Variants in NEGR1 observed in about 807,000 individuals in gnomAD.
NEGR1 encodes neuronal growth regulator 1.
In NEGR1, 10 loss-of-function variants were observed where a neutral mutation model predicts 40.9. The observed-to-expected ratio is 0.24, with a 90% CI of 0.15 to 0.42. The LOEUF (loss-of-function observed/expected upper bound fraction) is 0.42. Ranked by LOEUF, NEGR1 falls within the 10% of genes least tolerant of loss-of-function variation. The probability of loss-of-function intolerance (pLI) is 1.00; values close to 1 mark genes in which losing one functional copy is unlikely to be tolerated. For synonymous variants in NEGR1, 185 were observed against 166.8 expected, an observed-to-expected ratio of 1.11 and a Z score of -0.84; for missense variants, 352 against 438.9, an observed-to-expected ratio of 0.80 and a Z score of 1.77.
intron 2 of NEGR1, among the ~76,000 whole-genome samples, chr1:71,926,275 C>T (rs577212252): frequency 1.3e-5 from 2 of 151,666 alleles, no homozygotes; most frequent in Admixed American, 1.3e-4. Context: ...TATTCTTCTT[C>T]TTTCTTATAT....
At chr1:71,521,362 C>G (rs1319248867) in intron 6 of NEGR1, among the ~76,000 whole-genome samples, 3 of 151,976 alleles carry the variant, frequency 2.0e-5, no homozygotes, top group African/African-American at 7.2e-5. Context: ...GGCCCAATCC[C>G]TCCACTATAG....
intron 2 of NEGR1, among the ~76,000 whole-genome samples, chr1:71,803,124 T>C (rs1657620771): frequency 6.6e-6 from 1 of 152,062 alleles, no homozygotes; most frequent in Non-Finnish European, 1.5e-5. Flanking sequence ...ACAGGGCCTT[T>C]AAGGAGGTAA....
At chr1:71,547,099 A>AT (rs1267406124) in intron 6 of NEGR1, among the ~76,000 whole-genome samples, 5 of 151,746 alleles carry the variant, frequency 3.3e-5, no homozygotes, top group African/African-American at 1.2e-4. Flanking sequence ...CTGGGGGACA[A>AT]TTGTGTCCAC....
At chr1:71,884,317 C>T (rs556557470) in intron 2 of NEGR1, among the ~76,000 whole-genome samples, 1 of 152,114 alleles carries the variant, frequency 6.6e-6, no homozygotes, top group Non-Finnish European at 1.5e-5. Context: ...GTTCTGCAAG[C>T]CATATATCAT....
chr1:71,809,893 C>A (rs1657927115), intron 2 of NEGR1, among the ~76,000 whole-genome samples: 1 of 152,080 alleles, frequency 6.6e-6, no homozygotes, highest in Non-Finnish European at 1.5e-5. Context: ...AGACAAATTG[C>A]TTTAAGCAAG....
intron 6 of NEGR1, among the ~76,000 whole-genome samples, chr1:71,512,576 A>G (rs1647082522): frequency 6.6e-6 from 1 of 151,282 alleles, no homozygotes; most frequent in African/African-American, 2.4e-5. Context: ...AAGCATAAAT[A>G]CTAATCGATT....
intron 1 of NEGR1, among the ~76,000 whole-genome samples, chr1:72,166,902 A>G (rs1353379860): frequency 2.6e-5 from 4 of 152,088 alleles, no homozygotes; most frequent in African/African-American, 9.7e-5. Context: ...CCACTTAAAA[A>G]CAAAAACAAA....
chr1:71,497,262 C>T (rs888222769), intron 6 of NEGR1, among the ~76,000 whole-genome samples: 8 of 152,090 alleles, frequency 5.3e-5, no homozygotes, highest in African/African-American at 1.7e-4. Flanking sequence ...GAAATGCAGT[C>T]ATTCAGTAAG....
chr1:71,585,045 G>C (rs546585280), intron 6 of NEGR1, among the ~76,000 whole-genome samples: 7 of 152,218 alleles, frequency 4.6e-5, no homozygotes, highest in Non-Finnish European at 8.8e-5. Context: ...ATGACAAAAT[G>C]ATTAGGCCAG....
rs200968111 is a variant in NEGR1 at position 71,818,474 on chromosome 1, TA to T, written c.410-42178del. Among the ~76,000 whole-genome samples the T allele has an allele frequency of 9.1e-3, 1,383 of 152,044 alleles. 26 individuals are homozygous for T. Among genetic ancestry groups the T allele is most frequent in the African/African-American group, 0.031 (1,303 of 41,502 alleles). Reference sequence around the variant, plus strand: ...CATGTTCTCACTTATAAATGGGAGCTAAATGATAAGAACACATAGACAGAAA... The same window carrying T: ...CATGTTCTCACTTATAAATGGGAGCTAATGATAAGAACACATAGACAGAAA... On this transcript the variant is annotated intron_variant, in intron 2 of 6. Coordinates refer to ENST00000357731, the MANE Select transcript of NEGR1 (RefSeq NM_173808.3).
chr1:71,965,365 CAGCTGAATGTATT>C (rs1337497396), intron 1 of NEGR1, among the ~76,000 whole-genome samples: 1 of 152,164 alleles, frequency 6.6e-6, no homozygotes, highest in African/African-American at 2.4e-5. Context: ...CTGTTACTTG[CAGCTGAATGTATT>C]ATAAACACTA....
At chr1:72,177,315 A>C (rs1277890697) in intron 1 of NEGR1, among the ~76,000 whole-genome samples, 2 of 152,048 alleles carry the variant, frequency 1.3e-5, no homozygotes, top group Non-Finnish European at 2.9e-5. Flanking sequence ...AGTGGGAAGA[A>C]TCATGCAAAA....
At chr1:72,254,706 A>C (rs1208427394) in intron 1 of NEGR1, among the ~76,000 whole-genome samples, 2 of 151,844 alleles carry the variant, frequency 1.3e-5, no homozygotes, top group Non-Finnish European at 2.9e-5. Flanking sequence ...TGTCTAAAAA[A>C]AAAAAAAAAA....
chr1:71,874,406 T>TA (rs1415571487), intron 2 of NEGR1, among the ~76,000 whole-genome samples: 1 of 152,176 alleles, frequency 6.6e-6, no homozygotes. Context: ...TGGTACATAT[T>TA]ATCTTCAGAC....
chr1:71,509,262 A>T (rs560076664), intron 6 of NEGR1, among the ~76,000 whole-genome samples: 1 of 152,348 alleles, frequency 6.6e-6, no homozygotes, highest in East Asian at 1.9e-4. Flanking sequence ...TACCAGGACA[A>T]GGATGCATGG....
chr1:72,054,739 C>G (rs1265072660), intron 1 of NEGR1, among the ~76,000 whole-genome samples: 1 of 151,064 alleles, frequency 6.6e-6, no homozygotes, highest in Non-Finnish European at 1.5e-5. Flanking sequence ...AATTAAAATA[C>G]CACATTTTTT....
chr1:71,912,595 A>T (rs1246772004), intron 2 of NEGR1, among the ~76,000 whole-genome samples: 1 of 152,132 alleles, frequency 6.6e-6, no homozygotes, highest in African/African-American at 2.4e-5. Context: ...TGCATTTATG[A>T]TTTGTATGTC....
intron 3 of NEGR1, among the ~76,000 whole-genome samples, chr1:71,718,477 T>A (rs1654349574): frequency 6.6e-6 from 1 of 152,168 alleles, no homozygotes; most frequent in South Asian, 2.1e-4. Context: ...CAATTAAACC[T>A]CTTTTCTTTA....
intron 4 of NEGR1, among the ~76,000 whole-genome samples, chr1:71,636,154 A>C (rs187870690): frequency 2.0e-5 from 3 of 152,202 alleles, no homozygotes; most frequent in Admixed American, 6.6e-5. Flanking sequence ...ATAACTAAAC[A>C]TTTTGTTAAA....
Sources: gnomAD v4.1 joint callset for allele counts (sites outside exome capture counted in the v4.1 genomes callset) on GRCh38, gnomAD v4.1.1 for gene constraint, MANE v1.5 for transcripts, NCBI Gene and HGNC (gene_info 2026-07-23, HGNC 2026-07-21) for gene names.